Variants in ERC1 observed in about 807,000 individuals in gnomAD.
ERC1 encodes ELKS/RAB6-interacting/CAST family member 1, also known as RAB6 interacting protein 2.
ERC1 carries 56 observed loss-of-function variants against 132.0 expected under a neutral mutation model. The observed-to-expected ratio is 0.42, with a 90% CI of 0.34 to 0.53. ERC1 has a LOEUF of 0.53. ERC1 is among the 20% of genes least tolerant of loss of function. The pLI, the probability that ERC1 is intolerant of heterozygous loss-of-function variation, is 0.03. For synonymous variants in ERC1, 478 were observed against 476.1 expected, an observed-to-expected ratio of 1.00 and a Z score of -0.05; for missense variants, 1,202 against 1,349.9, an observed-to-expected ratio of 0.89 and a Z score of 1.72.
chr12:1,013,935 C>T lies in ERC1; in HGVS notation c.-156-13813C>T, dbSNP rs185693096. ...GTTTTTTGTGGAGACGAGGTCTTGC[C>T]GTGTTGCCCAGGCTGATCTGAAGTG... On this transcript the variant is annotated intron_variant, in intron 1 of 18. Transcript: ENST00000360905. 3.8e-4 allele frequency among the ~76,000 whole-genome samples: 57 copies of T among 151,958 alleles called. No individual in the cohort carries two copies. In the East Asian group the frequency reaches 4.4e-3, roughly 12 times the overall value.
In ERC1 at chr12:1,495,861, C is replaced by A. The variant is rs1024456328; in HGVS notation, c.*5631C>A. 3 of 196,522 alleles carry A rather than the reference C, an allele frequency of 1.5e-5. No homozygotes were observed. The highest frequency in any genetic ancestry group is 3.2e-5 in the Non-Finnish European group (3 of 94,890). The allele number at this position is 196,522 out of a possible 1,614,324, so 12.2% of individuals were successfully genotyped here. On this transcript the variant is annotated 3_prime_UTR_variant, in exon 19 of 19. Transcript: ENST00000360905. Reference sequence around the variant, plus strand: ...ACTTTGCCTTGATAATTATTGTAAACACTTTGTTCATTTTTTCTTTTTTAT... The same window carrying A: ...ACTTTGCCTTGATAATTATTGTAAAAACTTTGTTCATTTTTTCTTTTTTAT...
intron 1 of ERC1, among the ~76,000 whole-genome samples, chr12:1,002,700 A>G (rs570722979): frequency 6.6e-6 from 1 of 152,218 alleles, no homozygotes; most frequent in African/African-American, 2.4e-5. Context: ...TGTCACTATT[A>G]TTAACTTTAG....
chr12:1,119,239 T>C (rs1050280152), intron 7 of ERC1, among the ~76,000 whole-genome samples: 4 of 148,388 alleles, frequency 2.7e-5, no homozygotes, highest in African/African-American at 1.0e-4. Flanking sequence ...AAAGATCTGT[T>C]TGTTTTTTGT....
chr12:1,433,611 G>A (rs1029046908), intron 17 of ERC1, among the ~76,000 whole-genome samples: 1 of 152,124 alleles, frequency 6.6e-6, no homozygotes, highest in Non-Finnish European at 1.5e-5. Context: ...CTAGCTGGAG[G>A]CTGGTTTGTT....
At chr12:1,338,362 T>C (rs958850016) in intron 15 of ERC1, among the ~76,000 whole-genome samples, 6 of 152,246 alleles carry the variant, frequency 3.9e-5, no homozygotes, top group Admixed American at 1.3e-4. Context: ...GAAATTCTTA[T>C]AGTGTGTTTT....
intron 12 of ERC1, among the ~76,000 whole-genome samples, chr12:1,231,024 A>G (rs1457100339): frequency 2.6e-5 from 4 of 152,328 alleles, no homozygotes; most frequent in Non-Finnish European, 2.9e-5. Flanking sequence ...GCCACTCTGT[A>G]TCTTTTGATT....
At chr12:1,485,201 C>CTTTTTTTTTT (rs71441650) in intron 18 of ERC1, among the ~76,000 whole-genome samples, 3 of 96,376 alleles carry the variant, frequency 3.1e-5, no homozygotes, top group African/African-American at 4.4e-5. Flanking sequence ...GTTTATATTT[C>CTTTTTTTTTT]TTTTTTTTTT....
Position 1,492,986 on chromosome 12 carries a change from C to T in ERC1, c.*2756C>T, listed in dbSNP as rs529937232. The T allele has an allele frequency of 1.7e-4, 39 of 226,532 alleles. No homozygotes were observed. The highest frequency in any genetic ancestry group is 7.1e-4 in the African/African-American group (32 of 45,052). 14.0% of individuals were successfully genotyped at this position (226,532 alleles called of 1,614,324 possible). A position where few individuals can be genotyped will look rare whatever the true frequency, so the allele number is the denominator to read the frequency against. On this transcript the variant is annotated 3_prime_UTR_variant, in exon 19 of 19. Transcript: ENST00000360905. ...GCCCTTAATTTTCCCCAAACCCCTCCATCGGCAAGTCTAGTTGCCCTTTAG... is the reference window on the plus strand; with the variant it reads ...GCCCTTAATTTTCCCCAAACCCCTCTATCGGCAAGTCTAGTTGCCCTTTAG...
chr12:1,028,873 T>C (rs1408810484), intron 2 of ERC1, among the ~76,000 whole-genome samples: 2 of 150,734 alleles, frequency 1.3e-5, no homozygotes, highest in Non-Finnish European at 3.0e-5. Context: ...TTTCCAATTC[T>C]TCTGAGAGTA....
intron 7 of ERC1, among the ~76,000 whole-genome samples, chr12:1,125,934 G>A (rs2154231025): frequency 6.6e-6 from 1 of 152,322 alleles, no homozygotes; most frequent in Non-Finnish European, 1.5e-5. Context: ...GTCATACCTA[G>A]AGTCAAATTC....
chr12:1,417,519 C>T (rs2154397840), intron 17 of ERC1, among the ~76,000 whole-genome samples: 2 of 151,938 alleles, frequency 1.3e-5, no homozygotes, highest in Middle Eastern at 3.4e-3. Context: ...GTGGCTCATA[C>T]CTGTAATCCC....
Position 1,418,625 on chromosome 12 carries a change from TTCTTTCTTTCTTTCTTTCTC to T in ERC1, c.3024+10382_3024+10401del, listed in dbSNP as rs1458388570. The stretch of plus-strand genomic sequence containing the variant: ...TTTCTTTCTTTCTTTCTTTCTTTCT[TTCTTTCTTTCTTTCTTTCTC>T]TCTCTCTCTCTCTCTCTTTCTTTTC... On this transcript the variant is annotated intron_variant, in intron 17 of 18. Transcript: ENST00000360905. Among the ~76,000 whole-genome samples, 196 of 114,848 alleles carry T rather than the reference TTCTTTCTTTCTTTCTTTCTC, an allele frequency of 1.7e-3. 3 individuals carry two copies. Among genetic ancestry groups the T allele is most frequent in the African/African-American group, 8.1e-3 (166 of 20,420 alleles). The allele number at this position is 114,848 out of a possible 152,430, so 75.3% of individuals were successfully genotyped here. A position where few individuals can be genotyped will look rare whatever the true frequency, so the allele number is the denominator to read the frequency against.
upstream of ERC1, chr12:990,273 C>A (rs372827777): frequency 1.2e-4 from 18 of 152,158 alleles, 1 homozygote; most frequent in African/African-American, 4.1e-4. Context: ...AAATATAATT[C>A]ACACCATTCT....
upstream of ERC1, chr12:991,186 T>G (rs572038315): frequency 2.6e-4 from 35 of 135,672 alleles, no homozygotes; most frequent in East Asian, 6.6e-3. Context: ...GGGGCGGGGC[T>G]AGGTGTCTCG....
chr12:1,274,994 G>A (rs370318646), intron 14 of ERC1, among the ~76,000 whole-genome samples: 16 of 152,124 alleles, frequency 1.1e-4, no homozygotes, highest in African/African-American at 3.1e-4. Context: ...AAAGTGAGCC[G>A]GTAGCTCTAT....
intron 18 of ERC1, among the ~76,000 whole-genome samples, chr12:1,471,340 A>T (rs2093856912): frequency 6.6e-6 from 1 of 152,174 alleles, no homozygotes; most frequent in Non-Finnish European, 1.5e-5. Context: ...ACGTAGAAAA[A>T]ACTGAAATTA....
Position 1,236,795 on chromosome 12 carries a change from T to G in ERC1, c.2378T>G (p.Val793Gly). 1.9e-6 allele frequency: 3 copies of G among 1,613,742 alleles called. No homozygotes were observed. Among genetic ancestry groups the G allele is most frequent in the Non-Finnish European group, 1.7e-6 (2 of 1,179,870 alleles). Residue 793 changes from valine to glycine, a missense_variant, in exon 13 of 19, where the codon GTA (valine) becomes GGA (glycine). Val to Gly is a moderately radical substitution (Grantham distance 109). Coordinates refer to ENST00000360905, the MANE Select transcript of ERC1 (RefSeq NM_178040.4). ...CAAGTGAAAGACCAGAATAAGAAGGTAGCAAATCTGAAGCACAAGGAACAG... is the reference window on the plus strand; with the variant it reads ...CAAGTGAAAGACCAGAATAAGAAGGGAGCAAATCTGAAGCACAAGGAACAG... ...ERQVKDQNKKVANLKHKEQVE... is the reference protein window; with the variant it reads ...ERQVKDQNKKGANLKHKEQVE...
chr12:1,220,146 C>G (rs1192345764), intron 12 of ERC1, among the ~76,000 whole-genome samples: 1 of 152,200 alleles, frequency 6.6e-6, no homozygotes, highest in Non-Finnish European at 1.5e-5. Flanking sequence ...TTATATGTCT[C>G]TTCCCTGACC....
intron 2 of ERC1, among the ~76,000 whole-genome samples, chr12:1,075,644 T>C (rs1224057656): frequency 4.6e-5 from 7 of 151,964 alleles, no homozygotes; most frequent in African/African-American, 1.7e-4. Context: ...TGAGCTGAGA[T>C]TGTGCCATTG....
Sources: gnomAD v4.1 joint callset for allele counts (sites outside exome capture counted in the v4.1 genomes callset) on GRCh38, gnomAD v4.1.1 for gene constraint, MANE v1.5 for transcripts, NCBI Gene and HGNC (gene_info 2026-07-23, HGNC 2026-07-21) for gene names.